The following CDH8 variants were observed in gnomAD, a reference collection of about 807,000 sequenced individuals.
The protein encoded by CDH8 is cadherin 8.
Under a neutral mutation model 68.1 loss-of-function variants are expected in CDH8, and 17 were observed. The ratio of observed to expected loss-of-function variants is 0.25; its 90% confidence interval spans 0.17 to 0.37. The LOEUF (loss-of-function observed/expected upper bound fraction) is 0.37. Ranked by LOEUF, CDH8 falls within the 10% of genes least tolerant of loss-of-function variation. CDH8 has a pLI of 1.00. For synonymous variants in CDH8, 372 were observed against 365.1 expected (o/e 1.02, Z -0.21); for missense variants, 763 against 999.3 (o/e 0.76, Z 3.19).
intron 10 of CDH8, among the ~76,000 whole-genome samples, chr16:61,663,045 G>A (rs1452248502): frequency 2.0e-5 from 3 of 151,960 alleles, no homozygotes; most frequent in Non-Finnish European, 4.4e-5. Context: ...TCTTCATGGG[G>A]ACTTAAAGTG....
intron 10 of CDH8, among the ~76,000 whole-genome samples, chr16:61,662,157 C>G (rs1963578248): frequency 7.5e-6 from 1 of 133,016 alleles, no homozygotes. Flanking sequence ...AAGGAAAGAA[C>G]AGTCATATAA....
intron 6 of CDH8, among the ~76,000 whole-genome samples, chr16:61,820,175 G>T (rs755456758): frequency 3.9e-5 from 6 of 151,908 alleles, no homozygotes; most frequent in Non-Finnish European, 7.4e-5. Flanking sequence ...CCAGAAGCAA[G>T]GGAACGATGA....
intron 9 of CDH8, chr16:61,726,050 A>C (rs558839128): frequency 6.6e-6 from 1 of 150,824 alleles, no homozygotes; most frequent in Non-Finnish European, 1.5e-5. Flanking sequence ...ATACAGCTAC[A>C]GTGCCAGTCC....
At chr16:61,895,947 AC>A (rs1176770426) in intron 3 of CDH8, among the ~76,000 whole-genome samples, 1 of 152,160 alleles carries the variant, frequency 6.6e-6, no homozygotes, top group Non-Finnish European at 1.5e-5. Context: ...TATGCCACTT[AC>A]GCAAGAAGTC....
intron 10 of CDH8, among the ~76,000 whole-genome samples, chr16:61,668,105 T>A (rs544712772): frequency 6.6e-6 from 1 of 152,172 alleles, no homozygotes; most frequent in African/African-American, 2.4e-5. Context: ...GTATAGTATT[T>A]GATTAAAAAT....
intron 7 of CDH8, among the ~76,000 whole-genome samples, chr16:61,810,500 G>T (rs1416995642): frequency 6.6e-6 from 1 of 151,936 alleles, no homozygotes; most frequent in East Asian, 1.9e-4. Flanking sequence ...GAGAGAGAAA[G>T]ACAGGAAATG....
At chr16:61,843,196 C>A (rs1001815185) in intron 4 of CDH8, among the ~76,000 whole-genome samples, 1 of 151,902 alleles carries the variant, frequency 6.6e-6, no homozygotes, top group African/African-American at 2.4e-5. Context: ...CAATTTTACA[C>A]GCTAAATCAT....
intron 3 of CDH8, among the ~76,000 whole-genome samples, chr16:61,858,703 T>C (rs1256927463): frequency 6.6e-6 from 1 of 152,122 alleles, no homozygotes; most frequent in Non-Finnish European, 1.5e-5. Flanking sequence ...CAGAAGCATC[T>C]GGGATGTGAT....
rs138051724 is a variant in CDH8, at chr16:62,003,382, A to G, written c.252+17770T>C. 2.3e-3 allele frequency among the ~76,000 whole-genome samples: 358 copies of G among 152,350 alleles called. 1 individual carries two copies. Among genetic ancestry groups the G allele is most frequent in the African/African-American group, 8.0e-3 (332 of 41,580 alleles). The stretch of plus-strand genomic sequence containing the variant: ...TTGAATAGCTCTCAGTTATTGCAAC[A>G]TAGTACTTTTATAAAGTATATTTTA... On this transcript the variant is annotated intron_variant, in intron 2 of 11. Coordinates refer to ENST00000577390, the MANE Select transcript of CDH8 (RefSeq NM_001796.5).
intron 4 of CDH8, among the ~76,000 whole-genome samples, chr16:61,853,423 C>A (rs941954393): frequency 3.3e-5 from 5 of 152,112 alleles, no homozygotes; most frequent in African/African-American, 1.2e-4. Context: ...AATGGACAAT[C>A]TTCTTTATAA....
intron 1 of CDH8, among the ~76,000 whole-genome samples, chr16:62,034,913 A>T (rs1402763744): frequency 6.6e-6 from 1 of 152,194 alleles, no homozygotes; most frequent in Non-Finnish European, 1.5e-5. Context: ...CAACCCAAGC[A>T]AACAGCTGCC....
chr16:61,950,488 C>G (rs1238750323), intron 2 of CDH8, among the ~76,000 whole-genome samples: 1 of 152,148 alleles, frequency 6.6e-6, no homozygotes, highest in Non-Finnish European at 1.5e-5. Context: ...GACTGGGTGT[C>G]TATCCCACTT....
At chr16:61,936,492 C>T (rs1247797265) in intron 2 of CDH8, among the ~76,000 whole-genome samples, 1 of 152,170 alleles carries the variant, frequency 6.6e-6, no homozygotes, top group Non-Finnish European at 1.5e-5. Flanking sequence ...GACAAGATTG[C>T]TCATAACTCT....
chr16:61,815,811 T>C (rs1260528025), intron 7 of CDH8, among the ~76,000 whole-genome samples: 1 of 152,112 alleles, frequency 6.6e-6, no homozygotes, highest in Non-Finnish European at 1.5e-5. Context: ...TACTCCTTTT[T>C]GAGTTCCTTT....
intron 10 of CDH8, 139 bp downstream of exon 10, chr16:61,713,702 C>T: frequency 1.7e-6 from 1 of 581,172 alleles, no homozygotes; most frequent in Non-Finnish European, 3.0e-6. Flanking sequence ...ATTACCATGC[C>T]ATTATACTGA....
chr16:61,790,673 C>G (rs1232312795), intron 7 of CDH8, among the ~76,000 whole-genome samples: 1 of 151,944 alleles, frequency 6.6e-6, no homozygotes, highest in Admixed American at 6.6e-5. Context: ...AAGAATAAGA[C>G]TATGCCATTA....
chr16:61,959,043 G>T (rs1397492350), intron 2 of CDH8, among the ~76,000 whole-genome samples: 1 of 151,944 alleles, frequency 6.6e-6, no homozygotes, highest in Non-Finnish European at 1.5e-5. Context: ...TCTCTCATTT[G>T]GCCAACTTCT....
Position 61,884,892 on chromosome 16 carries a change from G to A in CDH8, c.547+16287C>T, listed in dbSNP as rs570623822. Among the ~76,000 whole-genome samples, 10 of 152,144 alleles carry A rather than the reference G, an allele frequency of 6.6e-5. No homozygotes were observed. The East Asian group carries it at 1.9e-3, about 30-fold the overall frequency. On this transcript the variant is annotated intron_variant, in intron 3 of 11. Coordinates refer to ENST00000577390, the MANE Select transcript of CDH8 (RefSeq NM_001796.5). ...GCAAGGGGTTATAACCCTAACCCCT[G>A]CATTGTTCAAGGGCCAACTGTATGT...
At chr16:62,034,483 G>C (rs1902404425) in intron 1 of CDH8, among the ~76,000 whole-genome samples, 1 of 152,126 alleles carries the variant, frequency 6.6e-6, no homozygotes. Flanking sequence ...TGGCTGTCAG[G>C]AGTGTTGTAA....
Sources: gnomAD v4.1 joint callset for allele counts (sites outside exome capture counted in the v4.1 genomes callset) on GRCh38, gnomAD v4.1.1 for gene constraint, MANE v1.5 for transcripts, NCBI Gene and HGNC (gene_info 2026-07-23, HGNC 2026-07-21) for gene names.